Variants in GPR183 observed in about 807,000 individuals in gnomAD.
GPR183 encodes the protein G protein-coupled receptor 183, also known as EBV-induced G-protein coupled receptor 2.
Under a neutral mutation model 19.7 loss-of-function variants are expected in GPR183, and 9 were observed. That is an observed-to-expected ratio of 0.46 (90% CI 0.28 to 0.80). The LOEUF (loss-of-function observed/expected upper bound fraction) is 0.80, where lower values mean the gene tolerates loss of function less well. GPR183 is among the 30% of genes least tolerant of loss of function. The probability of loss-of-function intolerance (pLI) is 0.13; values close to 1 mark genes in which losing one functional copy is unlikely to be tolerated. For synonymous variants in GPR183, 160 were observed against 155.1 expected, an observed-to-expected ratio of 1.03 and a Z score of -0.24; for missense variants, 368 against 446.7, an observed-to-expected ratio of 0.82 and a Z score of 1.59.
chr13:99,306,311 T>C (rs1927730), intron 1 of GPR183, among the ~76,000 whole-genome samples: 38,428 of 152,058 alleles, frequency 0.25, 6,062 homozygotes, highest in Non-Finnish European at 0.35. Flanking sequence ...TTAGCACTTA[T>C]AATGAGAGGC....
chr13:99,306,512 C>A (rs2044338322), intron 1 of GPR183, among the ~76,000 whole-genome samples: 2 of 151,854 alleles, frequency 1.3e-5, no homozygotes, highest in Non-Finnish European at 2.9e-5. Flanking sequence ...AAATACCACG[C>A]CCCCCTCCCC....
intron 1 of GPR183, among the ~76,000 whole-genome samples, chr13:99,300,377 A>G (rs972182921): frequency 2.0e-5 from 3 of 152,230 alleles, no homozygotes; most frequent in Non-Finnish European, 4.4e-5. Flanking sequence ...TGATTCCGCT[A>G]GCTGGCCCTA....
intron 1 of GPR183, among the ~76,000 whole-genome samples, chr13:99,299,440 G>A (rs2044224244): frequency 6.6e-6 from 1 of 151,036 alleles, no homozygotes; most frequent in Non-Finnish European, 1.5e-5. Flanking sequence ...TGGGAGGTAG[G>A]GAAGCAAATA....
intron 1 of GPR183, among the ~76,000 whole-genome samples, chr13:99,299,466 A>G (rs1433210032): frequency 6.6e-6 from 1 of 152,088 alleles, no homozygotes; most frequent in African/African-American, 2.4e-5. Flanking sequence ...ACACACGCAC[A>G]CACACACACA....
At chr13:99,301,637 G>A (rs1386386132) in intron 1 of GPR183, among the ~76,000 whole-genome samples, 1 of 151,162 alleles carries the variant, frequency 6.6e-6, no homozygotes, top group South Asian at 2.1e-4. Context: ...CTTTCTAGCC[G>A]CAAAAGGAAA....
At chr13:99,303,516 T>C (rs2044286458) in intron 1 of GPR183, among the ~76,000 whole-genome samples, 1 of 152,236 alleles carries the variant, frequency 6.6e-6, no homozygotes, top group South Asian at 2.1e-4. Context: ...ATGACATATG[T>C]TTAGAGAACT....
At chr13:99,300,205 A>G (rs752123122) in intron 1 of GPR183, among the ~76,000 whole-genome samples, 29 of 152,248 alleles carry the variant, frequency 1.9e-4, no homozygotes, top group Non-Finnish European at 1.9e-4. Flanking sequence ...CTCCAAGGGT[A>G]GCCTGTTGAG....
At chr13:99,305,886 C>CATTTATTTATTT (rs10633287) in intron 1 of GPR183, among the ~76,000 whole-genome samples, 3 of 151,510 alleles carry the variant, frequency 2.0e-5, no homozygotes, top group African/African-American at 7.3e-5. Context: ...GACTCAGGGC[C>CATTTATTTATTT]ATTTATTTAT....
At chr13:99,302,525 G>C (rs115754415) in intron 1 of GPR183, among the ~76,000 whole-genome samples, 1 of 152,156 alleles carries the variant, frequency 6.6e-6, no homozygotes, top group African/African-American at 2.4e-5. Flanking sequence ...ATTTGAAAAC[G>C]CCTTCTTGTT....
At chr13:99,301,907 A>T (rs541129969) in intron 1 of GPR183, among the ~76,000 whole-genome samples, 31 of 152,260 alleles carry the variant, frequency 2.0e-4, no homozygotes, top group African/African-American at 6.5e-4. Context: ...GCCCTCTAAT[A>T]TTTATTTATT....
intron 1 of GPR183, among the ~76,000 whole-genome samples, chr13:99,299,457 C>A (rs780677920): frequency 1.0e-4 from 15 of 149,912 alleles, no homozygotes; most frequent in Non-Finnish European, 1.6e-4. Flanking sequence ...AATACACACA[C>A]ACACGCACAC....
At chr13:99,303,185 A>T in intron 1 of GPR183, among the ~76,000 whole-genome samples, 1 of 152,220 alleles carries the variant, frequency 6.6e-6, no homozygotes, top group Non-Finnish European at 1.5e-5. Context: ...AGTACAGAGA[A>T]CTTCTTCAAG....
chr13:99,298,889 A>G (rs2044215634), intron 1 of GPR183, among the ~76,000 whole-genome samples: 1 of 152,174 alleles, frequency 6.6e-6, no homozygotes, highest in Non-Finnish European at 1.5e-5. Flanking sequence ...TTTTATTAAT[A>G]TTTTTCTAAG....
intron 1 of GPR183, among the ~76,000 whole-genome samples, chr13:99,297,504 A>G (rs544434823): frequency 1.3e-5 from 2 of 152,260 alleles, no homozygotes; most frequent in Admixed American, 6.5e-5. Flanking sequence ...TCATTCTAAC[A>G]ACCTTAAAAC....
At chr13:99,301,306 C>T (rs773023649) in intron 1 of GPR183, among the ~76,000 whole-genome samples, 4 of 152,218 alleles carry the variant, frequency 2.6e-5, no homozygotes, top group Non-Finnish European at 4.4e-5. Flanking sequence ...GGCTCCTGTA[C>T]CTTCTGCTGG....
intron 1 of GPR183, among the ~76,000 whole-genome samples, chr13:99,298,067 C>A (rs1279760784): frequency 2.0e-5 from 3 of 152,082 alleles, no homozygotes; most frequent in African/African-American, 4.8e-5. Flanking sequence ...TTGCATGTAA[C>A]AGCAAAATTT....
At chr13:99,299,475 CAG>C (rs899342122) in intron 1 of GPR183, among the ~76,000 whole-genome samples, 3 of 152,050 alleles carry the variant, frequency 2.0e-5, no homozygotes, top group African/African-American at 4.8e-5. Flanking sequence ...CACACACACA[CAG>C]AAAGATGTCT....
chr13:99,295,903 G>A lies in GPR183; in HGVS notation c.243C>T (p.Thr81=). 4 of 1,613,122 alleles carry A rather than the reference G, an allele frequency of 2.5e-6. No individual in the cohort carries two copies. Among genetic ancestry groups the A allele is most frequent in the Non-Finnish European group, 3.4e-6 (4 of 1,179,448 alleles). The change falls in exon 2 of 2, where the codon ACC becomes ACT. Residue 81 remains threonine, a synonymous_variant. Transcript: ENST00000376414. The surrounding 1 kb of genome is among the most constrained non-coding windows in gnomAD (Gnocchi z 4.1). The stretch of plus-strand genomic sequence containing the variant: ...AGGCTATTCGTGTAGGCAAAGCGGT[G>A]GTAAAAAGTATATCAGAAATCACCA... ...TNLVISDILF[T]TALPTRIAYY... is the part of the protein sequence containing the mutation.
At chr13:99,306,410 G>T (rs1482488774) in intron 1 of GPR183, among the ~76,000 whole-genome samples, 1 of 151,918 alleles carries the variant, frequency 6.6e-6, no homozygotes, top group African/African-American at 2.4e-5. Context: ...TGTGTGGGGG[G>T]GCCACACAGC....
Sources: gnomAD v4.1 joint callset for allele counts (sites outside exome capture counted in the v4.1 genomes callset) on GRCh38, gnomAD v4.1.1 for gene constraint, Gnocchi (gnomAD v3.1) non-coding constraint, MANE v1.5 for transcripts, NCBI Gene and HGNC (gene_info 2026-07-23, HGNC 2026-07-21) for gene names.